The following CTNNA3 variants were observed in gnomAD, a reference collection of about 807,000 sequenced individuals.
The protein encoded by CTNNA3 is catenin alpha-3.
CTNNA3 carries 76 observed loss-of-function variants against 95.7 expected under a neutral mutation model. The ratio of observed to expected loss-of-function variants is 0.79; its 90% confidence interval spans 0.66 to 0.96. The LOEUF is 0.96. Among genes scored for constraint, CTNNA3 ranks in the 40% least tolerant of loss-of-function variants. CTNNA3 has a pLI of 0.00. For missense variants in CTNNA3, 1,191 were observed against 1,089.8 expected, an observed-to-expected ratio of 1.09 and a Z score of -1.31; for synonymous variants, 431 against 374.4, an observed-to-expected ratio of 1.15 and a Z score of -1.74.
At chr10:66,447,135 T>C (rs1386759934) in intron 11 of CTNNA3, among the ~76,000 whole-genome samples, 1 of 151,894 alleles carries the variant, frequency 6.6e-6, no homozygotes, top group African/African-American at 2.4e-5. Context: ...GAAGGGCCTC[T>C]TCAAGGAGAA....
intron 9 of CTNNA3, among the ~76,000 whole-genome samples, chr10:66,641,012 G>T (rs1391034548): frequency 6.6e-6 from 1 of 152,110 alleles, no homozygotes; most frequent in Non-Finnish European, 1.5e-5. Context: ...GTTATTTGCA[G>T]CCAAATGCAA....
chr10:66,164,168 C>G (rs1278960236), intron 13 of CTNNA3, among the ~76,000 whole-genome samples: 1 of 151,950 alleles, frequency 6.6e-6, no homozygotes, highest in Non-Finnish European at 1.5e-5. Context: ...TGTCTGTAAC[C>G]AAAAATTAAA....
intron 2 of CTNNA3, among the ~76,000 whole-genome samples, chr10:67,633,421 C>G (rs954399954): frequency 6.6e-6 from 1 of 152,236 alleles, no homozygotes; most frequent in African/African-American, 2.4e-5. Context: ...TCCCATTCCT[C>G]CTGACCAAGT....
chr10:67,375,038 T>C (rs1011895042), intron 5 of CTNNA3, among the ~76,000 whole-genome samples: 2 of 152,192 alleles, frequency 1.3e-5, no homozygotes, highest in African/African-American at 4.8e-5. Context: ...GACACCGACA[T>C]ACTAAAAGTT....
At chr10:65,955,343 T>C (rs2077706761) in intron 17 of CTNNA3, among the ~76,000 whole-genome samples, 2 of 152,154 alleles carry the variant, frequency 1.3e-5, no homozygotes, top group South Asian at 4.1e-4. Context: ...ACAGGGACAA[T>C]TTGACTTCCT....
chr10:66,250,923 A>C (rs550150157), intron 13 of CTNNA3, among the ~76,000 whole-genome samples: 158 of 152,330 alleles, frequency 1.0e-3, no homozygotes, highest in Non-Finnish European at 1.6e-3. Context: ...GATCTGATTG[A>C]ATTGACTAGT....
chr10:66,331,348 T>TGC, intron 12 of CTNNA3, among the ~76,000 whole-genome samples: 1 of 77,576 alleles, frequency 1.3e-5, no homozygotes, highest in African/African-American at 5.3e-5. Context: ...GTTTGTTTTT[T>TGC]TTTTTTTTTT....
At chr10:67,461,281 T>C (rs1847363568) in intron 5 of CTNNA3, among the ~76,000 whole-genome samples, 1 of 152,184 alleles carries the variant, frequency 6.6e-6, no homozygotes, top group African/African-American at 2.4e-5. Context: ...AGTAGAACAT[T>C]TGGAGTGCCA....
intron 5 of CTNNA3, among the ~76,000 whole-genome samples, chr10:67,330,702 C>CT (rs1462873688): frequency 9.4e-5 from 6 of 63,770 alleles, no homozygotes; most frequent in Non-Finnish European, 3.1e-4. Context: ...GTGTCATTTT[C>CT]TAAAAAAAAA....
intron 7 of CTNNA3, among the ~76,000 whole-genome samples, chr10:66,980,029 A>T (rs1850319513): frequency 6.6e-6 from 1 of 152,190 alleles, no homozygotes; most frequent in Admixed American, 6.5e-5. Flanking sequence ...TTGGCACTGG[A>T]GACACTTTTT....
intron 10 of CTNNA3, among the ~76,000 whole-genome samples, chr10:66,561,498 G>T (rs1842551752): frequency 6.6e-6 from 1 of 152,014 alleles, no homozygotes; most frequent in East Asian, 1.9e-4. Flanking sequence ...ACATCACTTG[G>T]CTAGTACACA....
chr10:66,714,116 T>C (rs1204142524), intron 9 of CTNNA3, among the ~76,000 whole-genome samples: 2 of 152,094 alleles, frequency 1.3e-5, no homozygotes, highest in South Asian at 2.1e-4. Context: ...GATCGAATCG[T>C]GATGGTGTAT....
chr10:67,324,960 G>A (rs1259134679), intron 5 of CTNNA3, among the ~76,000 whole-genome samples: 1 of 152,006 alleles, frequency 6.6e-6, no homozygotes, highest in Non-Finnish European at 1.5e-5. Flanking sequence ...TCCTGGTTCA[G>A]TCTTGGGAGG....
intron 7 of CTNNA3, among the ~76,000 whole-genome samples, chr10:67,055,386 A>G (rs1855361002): frequency 6.6e-6 from 1 of 152,188 alleles, no homozygotes; most frequent in African/African-American, 2.4e-5. Flanking sequence ...AGACACAGAA[A>G]GCAGTCATGG....
rs1395310679 is a variant in CTNNA3, at chr10:66,862,918, A to C, written c.1048-87394T>G. Among the ~76,000 whole-genome samples, 4 of 152,072 alleles carry C rather than the reference A, an allele frequency of 2.6e-5. 1 individual carries two copies. ...AATAACAAAAGTCTGCCCTTTCCCAAAGTAAGGAAAACTTTTGCCTCCTGA... is the reference window on the plus strand; with the variant it reads ...AATAACAAAAGTCTGCCCTTTCCCACAGTAAGGAAAACTTTTGCCTCCTGA... On this transcript the variant is annotated intron_variant, in intron 7 of 17. Coordinates refer to ENST00000433211, the MANE Select transcript of CTNNA3 (RefSeq NM_013266.4).
chr10:66,846,181 A>T (rs1240727975), intron 7 of CTNNA3, among the ~76,000 whole-genome samples: 1 of 152,068 alleles, frequency 6.6e-6, no homozygotes, highest in South Asian at 2.1e-4. Context: ...CCTGGCGGAC[A>T]TTATGCTAAA....
At chr10:67,615,575 G>A (rs893925026) in intron 2 of CTNNA3, among the ~76,000 whole-genome samples, 7 of 151,782 alleles carry the variant, frequency 4.6e-5, no homozygotes, top group South Asian at 4.2e-4. Flanking sequence ...CCAGAACATG[G>A]CAATGAGCCT....
intron 11 of CTNNA3, among the ~76,000 whole-genome samples, chr10:66,410,366 C>A (rs1402735527): frequency 6.6e-6 from 1 of 152,122 alleles, no homozygotes; most frequent in Non-Finnish European, 1.5e-5. Context: ...TACTTTAGTA[C>A]CTACTCAGGC....
At position 65,913,808 on chromosome 10, in the gene CTNNA3, A is replaced by G. The variant is rs1320060510; in HGVS notation, c.*6522T>C. 1 of 152,174 alleles carries G rather than the reference A, an allele frequency of 6.6e-6. No homozygotes were observed. The highest frequency in any genetic ancestry group is 1.5e-5 in the Non-Finnish European group (1 of 68,038). The allele number at this position is 152,174 out of a possible 1,614,324, so 9.4% of individuals were successfully genotyped here. The stretch of plus-strand genomic sequence containing the variant: ...AAAGCCCAGGTCAAGGAAATCCCTT[A>G]GTAGAAGCTCAACTCTCAGTGAATA... On this transcript the variant is annotated 3_prime_UTR_variant, in exon 18 of 18. Transcript: ENST00000433211.
Sources: allele counts gnomAD v4.1 joint callset (sites outside exome capture counted in the v4.1 genomes callset), GRCh38; gene constraint gnomAD v4.1.1; transcripts MANE v1.5; gene names NCBI Gene and HGNC (gene_info 2026-07-23, HGNC 2026-07-21).